GHR: variants seen among roughly 807,000 people sequenced by gnomAD.
GHR encodes growth hormone receptor, also known as GH receptor.
GHR carries 35 observed loss-of-function variants against 67.1 expected under a neutral mutation model. The observed-to-expected ratio is 0.52, with a 90% CI of 0.40 to 0.69. The LOEUF is 0.69. Among genes scored for constraint, GHR ranks in the 30% least tolerant of loss-of-function variants. The pLI is 0.00. For missense variants in GHR, 792 were observed against 764.6 expected, an observed-to-expected ratio of 1.04 and a Z score of -0.42; for synonymous variants, 272 against 269.1, an observed-to-expected ratio of 1.01 and a Z score of -0.10.
chr5:42,636,209 CAAAAAAAAAAAAAA>C (rs11373491), intron 3 of GHR, among the ~76,000 whole-genome samples: 2 of 81,950 alleles, frequency 2.4e-5, no homozygotes, highest in African/African-American at 9.3e-5. Context: ...GACCCCGTTT[CAAAAAAAAAAAAAA>C]AAAAAAAAAA....
At position 42,696,441 on chromosome 5, in the gene GHR, T is replaced by C. The variant is rs77951845; in HGVS notation, c.439+1352T>C. ...AGTTTAGTTACCTCTGAACTGGAATTGGACTCTCCCTATTTTTAAAAAAGT... is the reference window on the plus strand; with the variant it reads ...AGTTTAGTTACCTCTGAACTGGAATCGGACTCTCCCTATTTTTAAAAAAGT... On this transcript the variant is annotated intron_variant, in intron 5 of 9. Coordinates refer to ENST00000230882, the MANE Select transcript of GHR (RefSeq NM_000163.5). Among the ~76,000 whole-genome samples the C allele has an allele frequency of 2.1e-3, 319 of 152,340 alleles. 5 individuals carry two copies. Among genetic ancestry groups the C allele is most frequent in the Non-Finnish European group, 4.0e-3 (272 of 68,036 alleles).
Position 42,543,921 on chromosome 5 carries a change from A to T in GHR, c.-11-21943A>T, listed in dbSNP as rs72754921. Among the ~76,000 whole-genome samples the T allele has an allele frequency of 6.8e-3, 1,028 of 151,654 alleles. 1 individual carries two copies. The highest frequency in any genetic ancestry group is 9.5e-3 in the Non-Finnish European group (643 of 67,836). On this transcript the variant is annotated intron_variant, in intron 1 of 9. Transcript: ENST00000230882. ...CAGTACTACTCTCAATTTTTTTTTTAAAAAAACAACCTAATATTGCAGTGT... is the reference window on the plus strand; with the variant it reads ...CAGTACTACTCTCAATTTTTTTTTTTAAAAAACAACCTAATATTGCAGTGT...
chr5:42,562,982 G>T (rs971334307), intron 1 of GHR, among the ~76,000 whole-genome samples: 1 of 152,056 alleles, frequency 6.6e-6, no homozygotes, highest in African/African-American at 2.4e-5. Context: ...AAGTTCATTT[G>T]CAGGCAGCTG....
At position 42,511,866 on chromosome 5, in the gene GHR, A is replaced by T. The variant is rs976859064; in HGVS notation, c.-11-53998A>T. Among the ~76,000 whole-genome samples, 11 of 152,294 alleles carry T rather than the reference A, an allele frequency of 7.2e-5. 1 individual carries two copies. The highest frequency in any genetic ancestry group is 1.5e-5 in the Non-Finnish European group (1 of 68,034). On this transcript the variant is annotated intron_variant, in intron 1 of 9. Coordinates refer to ENST00000230882, the MANE Select transcript of GHR (RefSeq NM_000163.5). ...GTCTTAATATTTCTGGCCTGGAAAAATACTGTGATATGGGTTGAATTCATC... is the reference window on the plus strand; with the variant it reads ...GTCTTAATATTTCTGGCCTGGAAAATTACTGTGATATGGGTTGAATTCATC...
chr5:42,594,501 G>T (rs1292209649), intron 2 of GHR, among the ~76,000 whole-genome samples: 1 of 152,032 alleles, frequency 6.6e-6, no homozygotes, highest in East Asian at 1.9e-4. Flanking sequence ...GACTACATTG[G>T]ATATATTATT....
chr5:42,462,706 T>TTG (rs36002763), intron 1 of GHR, among the ~76,000 whole-genome samples: 20 of 151,466 alleles, frequency 1.3e-4, no homozygotes, highest in Non-Finnish European at 2.2e-4. Context: ...GCGTGTGCTT[T>TTG]TGTGTGTGTG....
chr5:42,632,505 ACTGT>A (rs1310689449), intron 3 of GHR, among the ~76,000 whole-genome samples: 2 of 152,178 alleles, frequency 1.3e-5, no homozygotes, highest in Non-Finnish European at 2.9e-5. Flanking sequence ...CTCACCAAAA[ACTGT>A]CTGTCACATT....
At chr5:42,452,938 A>G (rs746921529) in intron 1 of GHR, among the ~76,000 whole-genome samples, 2 of 152,156 alleles carry the variant, frequency 1.3e-5, no homozygotes, top group Non-Finnish European at 2.9e-5. Flanking sequence ...TTGTGGAACT[A>G]CAGTAATCTT....
chr5:42,659,975 G>A (rs1580143841), intron 3 of GHR, among the ~76,000 whole-genome samples: 1 of 152,204 alleles, frequency 6.6e-6, no homozygotes, highest in Non-Finnish European at 1.5e-5. Flanking sequence ...CTGGCTCGGA[G>A]GGTCCTACGC....
Position 42,721,716 on chromosome 5 carries a change from A to G in GHR, c.*2292A>G, listed in dbSNP as rs35415717. ...GTCATTTTGGTACTTTGGTGGCCAC[A>G]TAAGCCATTATTCACTAGTATGACT... is the stretch of plus-strand genomic sequence containing the variant. On this transcript the variant is annotated 3_prime_UTR_variant, in exon 10 of 10. Transcript: ENST00000230882. 5.5e-3 allele frequency: 836 copies of G among 152,760 alleles called. 6 individuals are homozygous for G. Among genetic ancestry groups the G allele is most frequent in the Middle Eastern group, 0.014 (4 of 294 alleles). The allele number at this position is 152,760 out of a possible 1,614,324, so 9.5% of individuals were successfully genotyped here.
chr5:42,610,894 G>A (rs1445840124), intron 2 of GHR, among the ~76,000 whole-genome samples: 1 of 152,112 alleles, frequency 6.6e-6, no homozygotes, highest in Non-Finnish European at 1.5e-5. Context: ...GTCACTGGCT[G>A]GGTGGATTTC....
intron 1 of GHR, among the ~76,000 whole-genome samples, chr5:42,491,706 G>T (rs1270876124): frequency 6.6e-6 from 1 of 152,134 alleles, no homozygotes; most frequent in Non-Finnish European, 1.5e-5. Flanking sequence ...TAAATGAAAG[G>T]CACAATCAGA....
intron 3 of GHR, among the ~76,000 whole-genome samples, chr5:42,687,424 T>C (rs1757214124): frequency 6.6e-6 from 1 of 152,224 alleles, no homozygotes; most frequent in Non-Finnish European, 1.5e-5. Flanking sequence ...AGCTTATTTT[T>C]CTACATAGGA....
At chr5:42,647,888 T>C (rs935546166) in intron 3 of GHR, 8 of 218,464 alleles carry the variant, frequency 3.7e-5, no homozygotes, top group African/African-American at 1.9e-4. Flanking sequence ...TTCTAGATTT[T>C]ATGCTCCCAT....
chr5:42,506,671 C>T (rs12153462), intron 1 of GHR, among the ~76,000 whole-genome samples: 5,177 of 152,244 alleles, frequency 0.034, 129 homozygotes, highest in Non-Finnish European at 0.048. Context: ...ATAGTAGCCT[C>T]AGTTTAATGT....
At chr5:42,526,903 A>T (rs963308811) in intron 1 of GHR, among the ~76,000 whole-genome samples, 1 of 152,204 alleles carries the variant, frequency 6.6e-6, no homozygotes, top group Non-Finnish European at 1.5e-5. Context: ...AAACCCTATA[A>T]GCCAGAAGAG....
intron 3 of GHR, among the ~76,000 whole-genome samples, chr5:42,673,049 A>T (rs538434164): frequency 6.6e-6 from 1 of 152,294 alleles, no homozygotes; most frequent in South Asian, 2.1e-4. Flanking sequence ...TCTGTTAGGA[A>T]CTTAAACAAT....
At chr5:42,696,595 TCC>T (rs1016336466) in intron 5 of GHR, among the ~76,000 whole-genome samples, 3 of 152,182 alleles carry the variant, frequency 2.0e-5, no homozygotes, top group African/African-American at 7.2e-5. Flanking sequence ...AACTTAGTAG[TCC>T]CAACATGTTC....
chr5:42,426,649 T>C (rs1416793805), intron 1 of GHR, among the ~76,000 whole-genome samples: 1 of 152,236 alleles, frequency 6.6e-6, no homozygotes, highest in East Asian at 1.9e-4. Context: ...TTATGAGCAT[T>C]CAAATCTCCT....
Sources: allele counts gnomAD v4.1 joint callset (sites outside exome capture counted in the v4.1 genomes callset), GRCh38; gene constraint gnomAD v4.1.1; transcripts MANE v1.5; gene names NCBI Gene and HGNC (gene_info 2026-07-23, HGNC 2026-07-21).